MYCBP2: variants seen among roughly 807,000 people sequenced by gnomAD.
The protein encoded by MYCBP2 is E3 ubiquitin-protein ligase MYCBP2.
A neutral mutation model predicts 525.3 loss-of-function variants in MYCBP2; 120 were observed. The observed-to-expected ratio is 0.23, with a 90% CI of 0.20 to 0.27. The LOEUF (loss-of-function observed/expected upper bound fraction) is 0.27. Among genes scored for constraint, MYCBP2 ranks in the 10% least tolerant of loss-of-function variants. The pLI is 1.00. For synonymous variants in MYCBP2, 1,894 were observed against 1,955.8 expected (o/e 0.97, Z 0.83); for missense variants, 4,149 against 5,657.1 (o/e 0.73, Z 8.55).
chr13:77,071,010 T>C (rs1038881033), intron 68 of MYCBP2, among the ~76,000 whole-genome samples: 11 of 152,264 alleles, frequency 7.2e-5, no homozygotes, highest in African/African-American at 2.2e-4. Flanking sequence ...CATTATTAGT[T>C]CACATCCCAC....
chr13:77,280,804 T>C (rs572084845), intron 3 of MYCBP2, among the ~76,000 whole-genome samples: 2 of 152,302 alleles, frequency 1.3e-5, no homozygotes, highest in East Asian at 1.9e-4. Context: ...GTCACAATGA[T>C]GATAGGGAAC....
intron 15 of MYCBP2, among the ~76,000 whole-genome samples, chr13:77,250,056 T>C (rs1296745016): frequency 6.6e-6 from 1 of 151,864 alleles, no homozygotes. Flanking sequence ...ACCCCGTCTC[T>C]ACTAAAAATA....
chr13:77,294,104 C>CTATATATATATATATATATATATACA (rs2077783019), intron 2 of MYCBP2, among the ~76,000 whole-genome samples: 1 of 41,920 alleles, frequency 2.4e-5, no homozygotes, highest in Non-Finnish European at 5.2e-5. Flanking sequence ...GATATAATGG[C>CTATATATATATATATATATATATACA]TATATATATA....
At chr13:77,207,446 T>C (rs2154277577) in intron 23 of MYCBP2, among the ~76,000 whole-genome samples, 1 of 152,184 alleles carries the variant, frequency 6.6e-6, no homozygotes, top group Non-Finnish European at 1.5e-5. Flanking sequence ...CTTTTAGGGG[T>C]CGGGAAGTGA....
At chr13:77,214,998 C>G (rs1374114378) in intron 21 of MYCBP2, among the ~76,000 whole-genome samples, 9 of 151,894 alleles carry the variant, frequency 5.9e-5, no homozygotes, top group Non-Finnish European at 1.2e-4. Context: ...TATATCTTCA[C>G]AAGAAGAAAC....
chr13:77,101,567 G>A (rs56079411), intron 55 of MYCBP2, among the ~76,000 whole-genome samples: 3,392 of 152,032 alleles, frequency 0.022, 58 homozygotes, highest in Middle Eastern at 0.078. Context: ...AGAAAGAATA[G>A]GCATTTGTAT....
chr13:77,108,438 C>A, intron 55 of MYCBP2, among the ~76,000 whole-genome samples: 1 of 152,128 alleles, frequency 6.6e-6, no homozygotes, highest in South Asian at 2.1e-4. Context: ...ACAGGTATTG[C>A]TTCCCGAGCA....
chr13:77,184,561 G>T (rs563417343), intron 32 of MYCBP2, among the ~76,000 whole-genome samples: 184 of 152,278 alleles, frequency 1.2e-3, no homozygotes, highest in African/African-American at 4.3e-3. Flanking sequence ...TTTTGGCCTA[G>T]TTCCTCTATT....
intron 17 of MYCBP2, among the ~76,000 whole-genome samples, chr13:77,235,772 G>C (rs898825068): frequency 2.0e-5 from 3 of 152,044 alleles, no homozygotes; most frequent in African/African-American, 7.2e-5. Context: ...ACAAAAGGAG[G>C]CACACAAACT....
intron 23 of MYCBP2, 94 bp downstream of exon 23, chr13:77,211,073 A>AT: frequency 1.0e-6 from 1 of 958,904 alleles, no homozygotes; most frequent in Non-Finnish European, 1.4e-6. Context: ...GAGTACTCAC[A>AT]TGTGAAAAGT....
chr13:77,081,378 T>C lies in MYCBP2; in HGVS notation c.11418+49A>G. The C allele has an allele frequency of 6.7e-7, 1 of 1,499,074 alleles. No individual in the cohort carries two copies. Among genetic ancestry groups the C allele is most frequent in the Non-Finnish European group, 9.2e-7 (1 of 1,089,136 alleles). The allele number at this position is 1,499,074 out of a possible 1,614,324, so 92.9% of individuals were successfully genotyped here. A position where few individuals can be genotyped will look rare whatever the true frequency, so the allele number is the denominator to read the frequency against. On this transcript the variant is annotated intron_variant, in intron 65 of 82. Transcript: ENST00000544440. The surrounding 1 kb of genome is among the most constrained non-coding windows in gnomAD (Gnocchi z 4.6). ...TTCAGAAATGAAAGTGCATGAATACTAAGATCTGAAAAGAGCTAAAGAGCC... is the reference window on the plus strand; with the variant it reads ...TTCAGAAATGAAAGTGCATGAATACCAAGATCTGAAAAGAGCTAAAGAGCC...
At chr13:77,066,110 A>G (rs778906921) in intron 71 of MYCBP2, 22 bp from the exon 72 acceptor site, 104 of 1,526,240 alleles carry the variant, frequency 6.8e-5, no homozygotes, top group Non-Finnish European at 9.2e-5. Context: ...ATTAGCACTT[A>G]AAAAGCCAAT....
intron 4 of MYCBP2, among the ~76,000 whole-genome samples, chr13:77,276,816 G>GTTTTTTTTTTTTTTTTTTTTT (rs397851660): frequency 5.2e-5 from 4 of 76,220 alleles, no homozygotes; most frequent in African/African-American, 2.3e-4. Context: ...TCCATGCCCA[G>GTTTTTTTTTTTTTTTTTTTTT]TTTTTTTTTT....
At chr13:77,199,984 A>C (rs2062289432) in intron 26 of MYCBP2, among the ~76,000 whole-genome samples, 1 of 152,116 alleles carries the variant, frequency 6.6e-6, no homozygotes, top group African/African-American at 2.4e-5. Flanking sequence ...AAGCAGAGCA[A>C]CTCTCCTCCT....
At chr13:77,095,667 TAAGTA>T (rs2154125842) in intron 57 of MYCBP2, 65 bp from the exon 58 acceptor site, 1 of 1,543,268 alleles carries the variant, frequency 6.5e-7, no homozygotes, top group Non-Finnish European at 8.8e-7. Context: ...TTTCTTAAGC[TAAGTA>T]TTTTGAGTTT....
chr13:77,287,278 T>A (rs2076970362), intron 3 of MYCBP2, among the ~76,000 whole-genome samples: 1 of 150,336 alleles, frequency 6.7e-6, no homozygotes. Context: ...CTCCGCCTCC[T>A]GGGTTCAAGC....
Position 77,185,203 on chromosome 13 carries a change from T to C in MYCBP2, c.4619A>G (p.Gln1540Arg). 1 of 1,614,150 alleles carries C rather than the reference T, an allele frequency of 6.2e-7. No individual in the cohort carries two copies. Among genetic ancestry groups the C allele is most frequent in the Non-Finnish European group, 8.5e-7 (1 of 1,179,994 alleles). Residue 1540 changes from glutamine (Q) to arginine (R), a missense_variant, in exon 32 of 83, where the codon CAG becomes CGG. By Grantham distance (43) the Gln-to-Arg change is conservative. Around this residue, in one of 21 missense-constraint regions of MYCBP2, gnomAD observed 292 missense variants for 330.5 expected, o/e 0.88. Coordinates refer to ENST00000544440, the MANE Select transcript of MYCBP2 (RefSeq NM_015057.5). ...QPLSLLEAVLQECHNTFTACF... is the reference protein window; with the variant it reads ...QPLSLLEAVLRECHNTFTACF... ...GGCAGTGAAAGTATTATGACATTCC[T>C]GAAGGACAGCTTCTAGAAGACTCAA...
chr13:77,093,208 C>T lies in MYCBP2; in HGVS notation c.10324G>A (p.Val3442Ile). ...ISVTPDASPNVFEEPESNMKS... is the reference protein window; with the variant it reads ...ISVTPDASPNIFEEPESNMKS... ...ATATTGCTCTCTGGCTCTTCAAATA[C>T]ATTAGGACTTGCATCAGGAGTTACT... The change falls in exon 59 of 83, where the codon GTA (valine) becomes ATA (isoleucine). Residue 3442 changes from valine to isoleucine, a missense_variant. By Grantham distance (29) the Val-to-Ile change is conservative. This residue lies in a region of MYCBP2 where 509 missense variants were observed against 789.4 expected (regional missense o/e 0.64). Transcript: ENST00000544440. 1 of 1,613,118 alleles carries T rather than the reference C, an allele frequency of 6.2e-7. No homozygotes were observed. Among genetic ancestry groups the T allele is most frequent in the Non-Finnish European group, 8.5e-7 (1 of 1,179,440 alleles).
chr13:77,153,865 A>G (rs545487982), intron 46 of MYCBP2, among the ~76,000 whole-genome samples: 1 of 152,286 alleles, frequency 6.6e-6, no homozygotes, highest in East Asian at 1.9e-4. Context: ...CACTGATGGT[A>G]CTGAACCAAA....
Sources: allele counts gnomAD v4.1 joint callset (sites outside exome capture counted in the v4.1 genomes callset), GRCh38; gene constraint gnomAD v4.1.1; regional missense constraint gnomAD v4.1.1; non-coding constraint Gnocchi (gnomAD v3.1); transcripts MANE v1.5; gene names NCBI Gene and HGNC (gene_info 2026-07-23, HGNC 2026-07-21).